The following CORIN variants were observed in gnomAD, a reference collection of about 807,000 sequenced individuals.
CORIN encodes corin, serine peptidase.
CORIN carries 117 observed loss-of-function variants against 125.3 expected under a neutral mutation model. The ratio of observed to expected loss-of-function variants is 0.93; its 90% CI spans 0.80 to 1.09. CORIN has a LOEUF of 1.09. Ranked by LOEUF, CORIN falls within the 50% of genes least tolerant of loss-of-function variation. CORIN has a pLI of 0.00. For missense variants in CORIN, 1,253 were observed against 1,306.7 expected (o/e 0.96, Z 0.63); for synonymous variants, 450 against 466.4 (o/e 0.96, Z 0.45).
intron 5 of CORIN, among the ~76,000 whole-genome samples, chr4:47,743,172 G>T (rs547252439): frequency 2.0e-5 from 3 of 151,360 alleles, no homozygotes; most frequent in East Asian, 1.9e-4. Flanking sequence ...ATGTTTGGGG[G>T]TGAGCAAAGA....
intron 4 of CORIN, among the ~76,000 whole-genome samples, chr4:47,756,640 G>A (rs886284890): frequency 6.6e-6 from 1 of 151,214 alleles, no homozygotes; most frequent in Non-Finnish European, 1.5e-5. Context: ...TAGTCATGTG[G>A]CTAAGTAATT....
chr4:47,758,782 G>C (rs1205555295), intron 4 of CORIN, among the ~76,000 whole-genome samples: 1 of 152,172 alleles, frequency 6.6e-6, no homozygotes, highest in East Asian at 1.9e-4. Flanking sequence ...TCCCCATTTT[G>C]CTCCGCACTT....
At chr4:47,707,502 A>AG (rs1370052564) in intron 5 of CORIN, among the ~76,000 whole-genome samples, 1 of 152,200 alleles carries the variant, frequency 6.6e-6, no homozygotes, top group Non-Finnish European at 1.5e-5. Flanking sequence ...CTCAATTAAA[A>AG]GCCAATTCCT....
At position 47,774,557 on chromosome 4, in the gene CORIN, C is replaced by T. The variant is rs909380300; in HGVS notation, c.410-10971G>A. 3.3e-5 allele frequency among the ~76,000 whole-genome samples: 5 copies of T among 151,990 alleles called. No homozygotes were observed. In the South Asian group the frequency reaches 6.2e-4, roughly 19 times the overall value. On this transcript the variant is annotated intron_variant, in intron 3 of 21. Coordinates refer to ENST00000273857, the MANE Select transcript of CORIN (RefSeq NM_006587.4). ...AACTTAAAAATATGACCATCTTCTC[C>T]GCCATAAGTCTGGCTTGTTTTTGGT...
At chr4:47,699,929 C>A (rs1346446029) in intron 5 of CORIN, among the ~76,000 whole-genome samples, 1 of 152,168 alleles carries the variant, frequency 6.6e-6, no homozygotes, top group Non-Finnish European at 1.5e-5. Context: ...ATTACCCACA[C>A]TTTGGGTTAA....
chr4:47,775,966 C>T (rs1041917282), intron 3 of CORIN, among the ~76,000 whole-genome samples: 1 of 151,382 alleles, frequency 6.6e-6, no homozygotes, highest in African/African-American at 2.4e-5. Flanking sequence ...GATCTCAGCT[C>T]GCTTCAACTT....
At chr4:47,792,415 G>A (rs1219736271) in intron 2 of CORIN, among the ~76,000 whole-genome samples, 1 of 152,194 alleles carries the variant, frequency 6.6e-6, no homozygotes, top group African/African-American at 2.4e-5. Flanking sequence ...GTAGTTAGAA[G>A]GCTATTGTAA....
intron 10 of CORIN, among the ~76,000 whole-genome samples, chr4:47,665,500 C>CTTTA (rs770122505): frequency 6.6e-6 from 1 of 152,160 alleles, no homozygotes; most frequent in Non-Finnish European, 1.5e-5. Context: ...CAACATCTTG[C>CTTTA]TTTAGAAAGT....
chr4:47,829,718 C>A (rs1386655788), intron 1 of CORIN, among the ~76,000 whole-genome samples: 4 of 152,118 alleles, frequency 2.6e-5, no homozygotes, highest in African/African-American at 9.7e-5. Flanking sequence ...AGGAAAGATA[C>A]CATGCATCTG....
intron 16 of CORIN, among the ~76,000 whole-genome samples, chr4:47,632,764 TAG>T (rs33922651): frequency 0.27 from 37,696 of 139,350 alleles, 5,126 homozygotes; most frequent in Admixed American, 0.36. Context: ...GATAGATAGA[TAG>T]AGATAGATAG....
At chr4:47,640,141 T>C (rs925346895) in intron 16 of CORIN, among the ~76,000 whole-genome samples, 1 of 152,162 alleles carries the variant, frequency 6.6e-6, no homozygotes, top group African/African-American at 2.4e-5. Context: ...TCTAAAGATA[T>C]CTAAAATACT....
Position 47,619,036 on chromosome 4 carries a change from T to C in CORIN, c.2540+4535A>G, listed in dbSNP as rs117764689. On this transcript the variant is annotated intron_variant, in intron 19 of 21. Coordinates refer to ENST00000273857, the MANE Select transcript of CORIN (RefSeq NM_006587.4). Reference sequence around the variant, plus strand: ...GGGTTTCCTGGAGAGGAATCAGATGTTTCTGACCATTACTAGCTGTGTGCC... The same window carrying C: ...GGGTTTCCTGGAGAGGAATCAGATGCTTCTGACCATTACTAGCTGTGTGCC... 4.2e-4 allele frequency among the ~76,000 whole-genome samples: 64 copies of C among 152,230 alleles called. 2 individuals are homozygous for C. In the East Asian group the frequency reaches 8.9e-3, roughly 21 times the overall value.
chr4:47,795,841 A>C (rs1332517518), intron 2 of CORIN, among the ~76,000 whole-genome samples: 2 of 152,128 alleles, frequency 1.3e-5, no homozygotes, highest in African/African-American at 4.8e-5. Flanking sequence ...ACGCAGAGCC[A>C]GTAGCCAGTA....
intron 3 of CORIN, among the ~76,000 whole-genome samples, chr4:47,783,588 A>G (rs765969354): frequency 1.3e-5 from 2 of 152,254 alleles, no homozygotes; most frequent in Non-Finnish European, 2.9e-5. Flanking sequence ...GGACTGAAGT[A>G]TATTTAAATA....
At chr4:47,778,278 T>A (rs750845052) in intron 3 of CORIN, among the ~76,000 whole-genome samples, 10 of 152,116 alleles carry the variant, frequency 6.6e-5, no homozygotes, top group Non-Finnish European at 1.3e-4. Context: ...AACATATAAG[T>A]TTTGGGGGCA....
chr4:47,643,057 A>G, intron 15 of CORIN, 89 bp downstream of exon 15: 1 of 1,598,244 alleles, frequency 6.3e-7, no homozygotes, highest in Non-Finnish European at 8.5e-7. Flanking sequence ...CTTGGTCAGT[A>G]AAATCCAGGA....
At chr4:47,803,585 G>T (rs1731638505) in intron 2 of CORIN, among the ~76,000 whole-genome samples, 1 of 152,142 alleles carries the variant, frequency 6.6e-6, no homozygotes, top group Non-Finnish European at 1.5e-5. Flanking sequence ...CAATAAAGAT[G>T]CCAAGAACAT....
intron 5 of CORIN, among the ~76,000 whole-genome samples, chr4:47,734,914 C>T (rs951543036): frequency 2.6e-5 from 4 of 152,110 alleles, no homozygotes; most frequent in African/African-American, 9.7e-5. Flanking sequence ...GCAAAATCAC[C>T]CCTAGTGAAG....
At chr4:47,603,890 CTT>C (rs1396827369) in intron 19 of CORIN, among the ~76,000 whole-genome samples, 1 of 152,102 alleles carries the variant, frequency 6.6e-6, no homozygotes, top group African/African-American at 2.4e-5. Flanking sequence ...TGGGGCTAGT[CTT>C]TAACATAAAA....
Sources: allele counts gnomAD v4.1 joint callset (sites outside exome capture counted in the v4.1 genomes callset), GRCh38; gene constraint gnomAD v4.1.1; transcripts MANE v1.5; gene names NCBI Gene and HGNC (gene_info 2026-07-23, HGNC 2026-07-21).